The following CHD1 variants were observed in gnomAD, a reference collection of about 807,000 sequenced individuals.
CHD1 encodes the protein ATP-dependent chromatin remodeler CHD1.
A neutral mutation model predicts 224.2 loss-of-function variants in CHD1; 36 were observed. The observed-to-expected ratio is 0.16, with a 90% CI of 0.12 to 0.21. The LOEUF is 0.21. CHD1 is among the 10% of genes least tolerant of loss of function. The pLI is 1.00. For synonymous variants in CHD1, 668 were observed against 658.3 expected (o/e 1.01, Z -0.23); for missense variants, 1,378 against 1,994.8 (o/e 0.69, Z 5.89).
At chr5:98,896,641 T>A (rs1751358129) in intron 11 of CHD1, among the ~76,000 whole-genome samples, 199 bp from the exon 12 acceptor site, 1 of 152,116 alleles carries the variant, frequency 6.6e-6, no homozygotes, top group Non-Finnish European at 1.5e-5. Flanking sequence ...GTAAGAAAAG[T>A]AAAAGGAGAT....
chr5:98,877,888 A>C (rs558978991), intron 23 of CHD1, among the ~76,000 whole-genome samples: 1 of 152,332 alleles, frequency 6.6e-6, no homozygotes, highest in African/African-American at 2.4e-5. Flanking sequence ...TCTAACAACA[A>C]ATCTGATGTA....
chr5:98,905,361 A>G (rs469519), intron 2 of CHD1, among the ~76,000 whole-genome samples: 20,857 of 152,248 alleles, frequency 0.14, 1,809 homozygotes, highest in Middle Eastern at 0.27. Flanking sequence ...AACATAAGCA[A>G]TAAGATTGTA....
chr5:98,870,418 C>T (rs950394613), intron 29 of CHD1, among the ~76,000 whole-genome samples: 2 of 151,780 alleles, frequency 1.3e-5, no homozygotes, highest in African/African-American at 4.8e-5. Context: ...GTACTCCGCA[C>T]GCTAAACGAG....
intron 4 of CHD1, among the ~76,000 whole-genome samples, chr5:98,903,239 G>A (rs552040578): frequency 6.6e-6 from 1 of 152,188 alleles, no homozygotes; most frequent in South Asian, 2.1e-4. Context: ...TTGTTGCCTA[G>A]TATAGCCAAA....
At chr5:98,879,809 A>G in intron 22 of CHD1, 81 bp from the exon 23 acceptor site, 1 of 816,082 alleles carries the variant, frequency 1.2e-6, no homozygotes, top group Middle Eastern at 3.6e-4. Context: ...AAGAACTGGC[A>G]TGCTCCTTAG....
intron 2 of CHD1, among the ~76,000 whole-genome samples, chr5:98,920,098 T>C (rs1036065627): frequency 1.3e-5 from 2 of 152,096 alleles, no homozygotes; most frequent in African/African-American, 4.8e-5. Flanking sequence ...TATACATAAA[T>C]ATATACAAAT....
rs34271103 is a variant in CHD1 at position 98,882,418 on chromosome 5, T to TGG, written c.2719-297_2719-296dup. On this transcript the variant is annotated intron_variant, in intron 19 of 35. Transcript: ENST00000614616. The stretch of plus-strand genomic sequence containing the variant: ...TATGTTATGATTTAGCTGGGGAAAA[T>TGG]GGGGGGGGGGCATGTAAACTTCTGA... Among the ~76,000 whole-genome samples the TGG allele has an allele frequency of 6.7e-4, 89 of 133,238 alleles. No homozygotes were observed. The South Asian group carries it at 7.7e-3, about 11-fold the overall frequency. 87.4% of individuals were successfully genotyped at this position (133,238 alleles called of 152,430 possible). A position where few individuals can be genotyped will look rare whatever the true frequency, so the allele number is the denominator to read the frequency against.
Position 98,855,855 on chromosome 5 carries a change from GA to G in CHD1, c.*524del, listed in dbSNP as rs1350146444. On this transcript the variant is annotated 3_prime_UTR_variant, in exon 36 of 36. Transcript: ENST00000614616. Reference sequence around the variant, plus strand: ...TGGCTATTTTACAGATATAAGTACAGAATTTAAATATTCAAGCTTGTGATGA... The same window carrying G: ...TGGCTATTTTACAGATATAAGTACAGATTTAAATATTCAAGCTTGTGATGA... 6.6e-6 allele frequency: 1 copy of G among 151,768 alleles called. No homozygotes were observed. Among genetic ancestry groups the G allele is most frequent in the Non-Finnish European group, 1.5e-5 (1 of 67,998 alleles). The allele number at this position is 151,768 out of a possible 1,614,324, so 9.4% of individuals were successfully genotyped here.
chr5:98,922,458 C>A (rs1488484694), intron 2 of CHD1, among the ~76,000 whole-genome samples: 2 of 152,018 alleles, frequency 1.3e-5, no homozygotes, highest in Non-Finnish European at 2.9e-5. Context: ...AGAGAGATCT[C>A]CAGACAGAAA....
At chr5:98,897,811 G>A (rs947529707) in intron 10 of CHD1, among the ~76,000 whole-genome samples, 4 of 152,136 alleles carry the variant, frequency 2.6e-5, no homozygotes, top group African/African-American at 4.8e-5. Flanking sequence ...TATTGTGCAA[G>A]GTAGTTCTGG....
At chr5:98,908,537 A>T (rs1485453619) in intron 2 of CHD1, among the ~76,000 whole-genome samples, 1 of 152,190 alleles carries the variant, frequency 6.6e-6, no homozygotes, top group Non-Finnish European at 1.5e-5. Context: ...TAGATGAATA[A>T]ATAAGTAAAT....
At position 98,898,695 on chromosome 5, in the gene CHD1, A is replaced by G; in HGVS notation, c.1155T>C (p.His385=). The change falls in exon 9 of 36, where the codon CAT becomes CAC. Residue 385 remains histidine (H), a synonymous_variant. Transcript: ENST00000614616. ...NCQQELTDDL[H]KQYQIVERII... is the part of the protein sequence containing the mutation. ...TACGTTCCACTATTTGATACTGTTT[A>G]TGTAGATCATCTGTAAGTTCTTGCT... 6.3e-7 allele frequency: 1 copy of G among 1,585,538 alleles called. No homozygotes were observed. The highest frequency in any genetic ancestry group is 8.7e-7 in the Non-Finnish European group (1 of 1,154,980).
intron 16 of CHD1, 24 bp from the exon 17 acceptor site, chr5:98,888,264 A>G (rs745411108): frequency 1.0e-5 from 16 of 1,576,714 alleles, no homozygotes; most frequent in African/African-American, 4.1e-5. Context: ...TCAAGTTGTT[A>G]TATGTTAAAA....
intron 30 of CHD1, 145 bp from the exon 31 acceptor site, chr5:98,868,780 T>A: frequency 1.2e-6 from 1 of 829,210 alleles, no homozygotes; most frequent in Non-Finnish European, 1.8e-6. Context: ...TTTTAATTTG[T>A]TTTTTTCCCC....
intron 2 of CHD1, among the ~76,000 whole-genome samples, chr5:98,923,460 G>A (rs2112662417): frequency 6.6e-6 from 1 of 150,388 alleles, no homozygotes; most frequent in Admixed American, 6.6e-5. Context: ...TTGTTTCCCA[G>A]GCTGGAGTGC....
chr5:98,901,356 G>A, intron 5 of CHD1, 21 bp from the exon 6 acceptor site: 1 of 1,585,880 alleles, frequency 6.3e-7, no homozygotes, highest in Non-Finnish European at 8.5e-7. Context: ...AATTTATAAA[G>A]TATTTTTATT....
intron 31 of CHD1, 36 bp downstream of exon 31, chr5:98,868,459 G>A (rs1749068772): frequency 6.5e-7 from 1 of 1,526,916 alleles, no homozygotes; most frequent in East Asian, 2.4e-5. Context: ...AATGTTTTAT[G>A]AGTTAATACT....
chr5:98,882,810 AAAGTTTTT>A (rs1287688938), intron 19 of CHD1, among the ~76,000 whole-genome samples: 3 of 152,340 alleles, frequency 2.0e-5, no homozygotes, highest in Non-Finnish European at 4.4e-5. Context: ...AAGACGTTTT[AAAGTTTTT>A]ATTATAAAAT....
intron 31 of CHD1, among the ~76,000 whole-genome samples, chr5:98,865,292 G>C (rs997039832): frequency 3.9e-5 from 6 of 152,202 alleles, no homozygotes; most frequent in Non-Finnish European, 8.8e-5. Flanking sequence ...ACGATGGGAG[G>C]TGACTAGATG....
Sources: gnomAD v4.1 joint callset for allele counts (sites outside exome capture counted in the v4.1 genomes callset) on GRCh38, gnomAD v4.1.1 for gene constraint, MANE v1.5 for transcripts, NCBI Gene and HGNC (gene_info 2026-07-23, HGNC 2026-07-21) for gene names.